ERBB4: variants seen among roughly 807,000 people sequenced by gnomAD.
The protein encoded by ERBB4 is erb-b2 receptor tyrosine kinase 4, also known as receptor tyrosine-protein kinase erbB-4.
A neutral mutation model predicts 158.0 loss-of-function variants in ERBB4; 42 were observed. That is an observed-to-expected ratio of 0.27 (90% CI 0.21 to 0.34). ERBB4 has a LOEUF of 0.34. Among genes scored for constraint, ERBB4 ranks in the 10% least tolerant of loss-of-function variants. The pLI, the probability that ERBB4 is intolerant of heterozygous loss-of-function variation, is 1.00. For synonymous variants in ERBB4, 583 were observed against 558.7 expected (o/e 1.04, Z -0.61); for missense variants, 1,333 against 1,624.1 (o/e 0.82, Z 3.08).
Position 212,158,744 on chromosome 2 carries a change from C to T in ERBB4, c.83-33841G>A, listed in dbSNP as rs1362544345. Among the ~76,000 whole-genome samples, 4 of 151,902 alleles carry T rather than the reference C, an allele frequency of 2.6e-5. No individual in the cohort carries two copies. The East Asian group carries it at 7.7e-4, about 29-fold the overall frequency. ...GCCCAAGTCCACAACTCAGCAGAGG[C>T]TCATTAAATATCTGTCAATATGAGA... is the stretch of plus-strand genomic sequence containing the variant. On this transcript the variant is annotated intron_variant, in intron 1 of 27. Coordinates refer to ENST00000342788, the MANE Select transcript of ERBB4 (RefSeq NM_005235.3).
At chr2:212,233,542 A>G (rs1220678953) in intron 1 of ERBB4, among the ~76,000 whole-genome samples, 1 of 152,126 alleles carries the variant, frequency 6.6e-6, no homozygotes, top group East Asian at 1.9e-4. Context: ...TAAGGATCTG[A>G]GTTCTAAAAT....
At chr2:212,503,615 C>G (rs1376889970) in intron 1 of ERBB4, among the ~76,000 whole-genome samples, 2 of 152,000 alleles carry the variant, frequency 1.3e-5, no homozygotes, top group Admixed American at 6.5e-5. Context: ...TGCAAGCCCC[C>G]AAAGGAAAAA....
chr2:212,470,754 A>G (rs946907105), intron 1 of ERBB4, among the ~76,000 whole-genome samples: 4 of 152,088 alleles, frequency 2.6e-5, no homozygotes, highest in African/African-American at 9.7e-5. Context: ...TTGGGGGAAT[A>G]TACACTAAAG....
intron 1 of ERBB4, among the ~76,000 whole-genome samples, chr2:212,336,698 T>A (rs749797649): frequency 5.3e-5 from 8 of 152,104 alleles, no homozygotes; most frequent in Non-Finnish European, 1.0e-4. Context: ...TTGTAAGTAC[T>A]TCAGAATCAT....
At chr2:211,480,711 G>A (rs1346683905) in intron 20 of ERBB4, among the ~76,000 whole-genome samples, 2 of 152,138 alleles carry the variant, frequency 1.3e-5, no homozygotes, top group African/African-American at 4.8e-5. Flanking sequence ...TCTACCTGGT[G>A]AAATACTTTA....
intron 1 of ERBB4, among the ~76,000 whole-genome samples, chr2:212,176,737 A>G (rs1012338129): frequency 6.6e-6 from 1 of 151,940 alleles, no homozygotes; most frequent in Admixed American, 6.6e-5. Context: ...AGGTGTCCCT[A>G]TAATATTGAA....
intron 1 of ERBB4, among the ~76,000 whole-genome samples, chr2:212,464,926 A>ACACACC (rs1307201358): frequency 9.0e-5 from 13 of 144,610 alleles, no homozygotes; most frequent in African/African-American, 3.3e-4. Flanking sequence ...ACACACACAC[A>ACACACC]CCCCTTAGAA....
In ERBB4 at chr2:211,861,136, A is replaced by ATTT. The variant is rs1164536540; in HGVS notation, c.422-72978_422-72977insAAA. ...TTATATATATATTTTATATATATAT[A>ATTT]TATATATATATATATATATTAAAAA... is the stretch of plus-strand genomic sequence containing the variant. On this transcript the variant is annotated intron_variant, in intron 3 of 27. Transcript: ENST00000342788. Among the ~76,000 whole-genome samples, 10 of 31,674 alleles carry ATTT rather than the reference A, an allele frequency of 3.2e-4. 1 individual carries two copies. The highest frequency in any genetic ancestry group is 3.3e-4 in the Non-Finnish European group (5 of 15,374). The allele number at this position is 31,674 out of a possible 152,430, so 20.8% of individuals were successfully genotyped here.
intron 1 of ERBB4, among the ~76,000 whole-genome samples, chr2:212,222,009 GT>G (rs1258902088): frequency 6.6e-6 from 1 of 151,426 alleles, no homozygotes; most frequent in African/African-American, 2.4e-5. Flanking sequence ...AGCATAGTAT[GT>G]CCCTCATAAA....
chr2:211,559,509 C>G (rs1246846018), intron 20 of ERBB4, among the ~76,000 whole-genome samples: 1 of 152,158 alleles, frequency 6.6e-6, no homozygotes, highest in Non-Finnish European at 1.5e-5. Flanking sequence ...AATTATTCCA[C>G]TTGGATGATA....
intron 16 of ERBB4, among the ~76,000 whole-genome samples, chr2:211,643,629 T>C (rs1409371907): frequency 6.6e-6 from 1 of 152,098 alleles, no homozygotes; most frequent in African/African-American, 2.4e-5. Context: ...TCAATGGCCC[T>C]TTCCTTTCTT....
chr2:212,311,614 T>C (rs1055974675), intron 1 of ERBB4, among the ~76,000 whole-genome samples: 1 of 150,992 alleles, frequency 6.6e-6, no homozygotes, highest in East Asian at 2.0e-4. Flanking sequence ...GAATCAAAAC[T>C]ATATGAAAAA....
chr2:211,653,465 C>A (rs977480814), intron 16 of ERBB4, among the ~76,000 whole-genome samples: 1 of 138,156 alleles, frequency 7.2e-6, no homozygotes, highest in Non-Finnish European at 1.6e-5. Context: ...TTCCCCCCCG[C>A]CCCCCGCACC....
intron 3 of ERBB4, among the ~76,000 whole-genome samples, chr2:211,812,641 C>T (rs2076785644): frequency 6.6e-6 from 1 of 152,338 alleles, no homozygotes; most frequent in Non-Finnish European, 1.5e-5. Context: ...ATGCCCTGCC[C>T]CCAGAGGTGG....
At chr2:212,455,739 A>G (rs189583809) in intron 1 of ERBB4, among the ~76,000 whole-genome samples, 3 of 152,290 alleles carry the variant, frequency 2.0e-5, no homozygotes, top group East Asian at 3.9e-4. Context: ...TTAAAGTGTT[A>G]CTTTTTAAAA....
intron 2 of ERBB4, among the ~76,000 whole-genome samples, chr2:212,044,411 T>C (rs1246997332): frequency 2.0e-5 from 3 of 152,176 alleles, no homozygotes; most frequent in Non-Finnish European, 4.4e-5. Context: ...TGCCGCCTTT[T>C]GGTTGAAGTA....
At chr2:211,657,511 A>C in intron 16 of ERBB4, 1 of 215,160 alleles carries the variant, frequency 4.6e-6, no homozygotes, top group Non-Finnish European at 8.5e-6. Flanking sequence ...TCGGTCTCCA[A>C]AAAAAAAAAA....
At chr2:211,822,350 G>A (rs1175417877) in intron 3 of ERBB4, among the ~76,000 whole-genome samples, 5 of 151,948 alleles carry the variant, frequency 3.3e-5, no homozygotes, top group Non-Finnish European at 5.9e-5. Context: ...TAATTAGTCT[G>A]ATCTGATCAC....
chr2:211,563,396 A>G (rs2067459799), intron 19 of ERBB4, among the ~76,000 whole-genome samples: 1 of 152,200 alleles, frequency 6.6e-6, no homozygotes, highest in Non-Finnish European at 1.5e-5. Flanking sequence ...AATCATGAGG[A>G]AAAAATCAGA....
Sources: allele counts gnomAD v4.1 joint callset (sites outside exome capture counted in the v4.1 genomes callset), GRCh38; gene constraint gnomAD v4.1.1; transcripts MANE v1.5; gene names NCBI Gene and HGNC (gene_info 2026-07-23, HGNC 2026-07-21).